The following PAK5 variants were observed in gnomAD, a reference collection of about 807,000 sequenced individuals.
The protein encoded by PAK5 is serine/threonine-protein kinase PAK 5.
Under a neutral mutation model 65.9 loss-of-function variants are expected in PAK5, and 16 were observed. The ratio of observed to expected loss-of-function variants is 0.24; its 90% CI spans 0.16 to 0.37. PAK5 has a LOEUF of 0.37. Ranked by LOEUF, PAK5 falls within the 10% of genes least tolerant of loss-of-function variation. PAK5 has a pLI of 1.00. For synonymous variants in PAK5, 371 were observed against 354.9 expected (o/e 1.05, Z -0.51); for missense variants, 785 against 903.9 (o/e 0.87, Z 1.69).
chr20:9,808,526 C>T (rs1382352579), intron 1 of PAK5, among the ~76,000 whole-genome samples: 1 of 152,148 alleles, frequency 6.6e-6, no homozygotes, highest in Non-Finnish European at 1.5e-5. Flanking sequence ...AATGGCTAAA[C>T]AAAAATTATT....
chr20:9,623,377 A>G (rs1196517671), intron 3 of PAK5, among the ~76,000 whole-genome samples: 1 of 152,198 alleles, frequency 6.6e-6, no homozygotes, highest in East Asian at 1.9e-4. Context: ...ATGAAAAGCA[A>G]CATGATCAAA....
chr20:9,772,507 G>A (rs1035829712), intron 1 of PAK5, among the ~76,000 whole-genome samples: 16 of 152,122 alleles, frequency 1.1e-4, no homozygotes, highest in African/African-American at 2.9e-4. Context: ...TCATGTCACC[G>A]GCTCTAAACG....
At chr20:9,684,885 G>A (rs768656435) in intron 2 of PAK5, among the ~76,000 whole-genome samples, 42 of 152,286 alleles carry the variant, frequency 2.8e-4, no homozygotes, top group Non-Finnish European at 4.9e-4. Context: ...GAGTATGCCT[G>A]CCTTGGCAAA....
At chr20:9,651,341 G>T (rs2047200391) in intron 2 of PAK5, among the ~76,000 whole-genome samples, 1 of 152,192 alleles carries the variant, frequency 6.6e-6, no homozygotes, top group South Asian at 2.1e-4. Context: ...AATGGAGTAG[G>T]AACTCTACTA....
At chr20:9,837,175 C>T (rs1417493428) in intron 1 of PAK5, among the ~76,000 whole-genome samples, 1 of 152,190 alleles carries the variant, frequency 6.6e-6, no homozygotes, top group Non-Finnish European at 1.5e-5. Context: ...CCAGCGTTAC[C>T]AAGGAACTTG....
At chr20:9,762,107 A>G (rs959477472) in intron 1 of PAK5, among the ~76,000 whole-genome samples, 9 of 152,184 alleles carry the variant, frequency 5.9e-5, no homozygotes, top group African/African-American at 1.7e-4. Context: ...ACACACAAAA[A>G]TCAACTTAAA....
intron 3 of PAK5, among the ~76,000 whole-genome samples, chr20:9,614,972 A>G (rs1365310453): frequency 6.6e-6 from 1 of 152,224 alleles, no homozygotes; most frequent in Non-Finnish European, 1.5e-5. Context: ...TTTGTTCAAA[A>G]TTATTGTAGC....
At chr20:9,542,547 A>G in intron 9 of PAK5, 39 bp downstream of exon 9, 1 of 1,612,200 alleles carries the variant, frequency 6.2e-7, no homozygotes, top group Non-Finnish European at 8.5e-7. Context: ...GAAAATCCAA[A>G]AACTATTCTG....
chr20:9,751,222 G>C (rs1201307381), intron 1 of PAK5, among the ~76,000 whole-genome samples: 1 of 152,102 alleles, frequency 6.6e-6, no homozygotes, highest in Admixed American at 6.6e-5. Context: ...GTAGTCTTAT[G>C]ACTCAAAATA....
At chr20:9,585,406 G>A (rs2046051417) in intron 3 of PAK5, among the ~76,000 whole-genome samples, 1 of 152,120 alleles carries the variant, frequency 6.6e-6, no homozygotes, top group Non-Finnish European at 1.5e-5. Flanking sequence ...CTCTTTCTAT[G>A]GTATGCTTTA....
chr20:9,772,424 A>AT (rs1281627802), intron 1 of PAK5, among the ~76,000 whole-genome samples: 16 of 151,904 alleles, frequency 1.1e-4, no homozygotes, highest in Non-Finnish European at 2.1e-4. Flanking sequence ...TCTCTAGACC[A>AT]TCCCTGTGAA....
intron 7 of PAK5, among the ~76,000 whole-genome samples, chr20:9,549,036 T>C (rs766946129): frequency 6.6e-6 from 1 of 152,040 alleles, no homozygotes; most frequent in Non-Finnish European, 1.5e-5. Context: ...TCACATGTAG[T>C]ATGAAAAAAA....
chr20:9,818,857 A>G (rs903929859), intron 1 of PAK5: 2 of 152,184 alleles, frequency 1.3e-5, no homozygotes, highest in Non-Finnish European at 2.9e-5. Context: ...GACTGCAAAT[A>G]TAAAGAAACA....
chr20:9,628,106 A>G (rs192042431), intron 3 of PAK5, among the ~76,000 whole-genome samples: 70 of 152,350 alleles, frequency 4.6e-4, no homozygotes, highest in Non-Finnish European at 8.8e-4. Flanking sequence ...GGGAATTTTC[A>G]TTATACTTTG....
chr20:9,802,798 CAG>C (rs1804598998), intron 1 of PAK5, among the ~76,000 whole-genome samples: 1 of 150,638 alleles, frequency 6.6e-6, no homozygotes. Context: ...GGTCAATAAA[CAG>C]AGATGCCAAA....
intron 4 of PAK5, among the ~76,000 whole-genome samples, chr20:9,577,982 T>C (rs1444084581): frequency 1.3e-5 from 2 of 152,126 alleles, no homozygotes; most frequent in Non-Finnish European, 2.9e-5. Context: ...CTGTAGGGAA[T>C]TAAAGTGAAT....
chr20:9,774,374 C>G (rs1000355746), intron 1 of PAK5, among the ~76,000 whole-genome samples: 15 of 152,224 alleles, frequency 9.9e-5, no homozygotes, highest in African/African-American at 3.6e-4. Flanking sequence ...GAAAACACAG[C>G]CATTACCATC....
intron 1 of PAK5, among the ~76,000 whole-genome samples, chr20:9,830,613 C>T (rs1978635902): frequency 6.6e-6 from 1 of 152,110 alleles, no homozygotes; most frequent in Non-Finnish European, 1.5e-5. Context: ...TCAGATTATA[C>T]CTTTCTAGGA....
At chr20:9,823,949 T>C (rs1277054687) in intron 1 of PAK5, among the ~76,000 whole-genome samples, 1 of 152,204 alleles carries the variant, frequency 6.6e-6, no homozygotes, top group African/African-American at 2.4e-5. Flanking sequence ...CACAATCTGC[T>C]ATTTACTAGC....
Sources: allele counts gnomAD v4.1 joint callset (sites outside exome capture counted in the v4.1 genomes callset), GRCh38; gene constraint gnomAD v4.1.1; transcripts MANE v1.5; gene names NCBI Gene and HGNC (gene_info 2026-07-23, HGNC 2026-07-21).